CNBD1: variants seen among roughly 807,000 people sequenced by gnomAD.
CNBD1 encodes cyclic nucleotide-binding domain-containing protein 1.
CNBD1 carries 71 observed loss-of-function variants against 54.4 expected under a neutral mutation model. The observed-to-expected ratio is 1.30, with a 90% CI of 1.08 to 1.59. The LOEUF is 1.59. CNBD1 is among the 40% of genes most tolerant of loss of function. The pLI is 0.00. For missense variants in CNBD1, 659 were observed against 518.0 expected (o/e 1.27, Z -2.64); for synonymous variants, 182 against 170.7 (o/e 1.07, Z -0.51).
At chr8:86,963,074 T>C (rs1274552818) in intron 4 of CNBD1, among the ~76,000 whole-genome samples, 1 of 152,168 alleles carries the variant, frequency 6.6e-6, no homozygotes, top group East Asian at 1.9e-4. Flanking sequence ...TCTCTCTTCC[T>C]AGCGAATACC....
At chr8:87,057,976 G>A (rs1048621020) in intron 4 of CNBD1, among the ~76,000 whole-genome samples, 3 of 152,008 alleles carry the variant, frequency 2.0e-5, no homozygotes. Context: ...GACAAAGCAA[G>A]TCCCTTTTGC....
chr8:86,867,202 C>G (rs1190789251), intron 1 of CNBD1, among the ~76,000 whole-genome samples: 1 of 151,584 alleles, frequency 6.6e-6, no homozygotes, highest in Non-Finnish European at 1.5e-5. Flanking sequence ...ATTGTAAACA[C>G]TTCTCATGGC....
At chr8:87,058,503 G>T (rs1246946382) in intron 4 of CNBD1, among the ~76,000 whole-genome samples, 1 of 152,164 alleles carries the variant, frequency 6.6e-6, no homozygotes, top group Non-Finnish European at 1.5e-5. Context: ...GCATAATTCT[G>T]CCTGGACATC....
intron 5 of CNBD1, among the ~76,000 whole-genome samples, chr8:87,234,228 A>G (rs1807526103): frequency 1.3e-5 from 2 of 152,120 alleles, no homozygotes; most frequent in Non-Finnish European, 2.9e-5. Flanking sequence ...AACTTTTCCA[A>G]ACTCCTGTTA....
At position 87,351,670 on chromosome 8, in the gene CNBD1, C is replaced by A; in HGVS notation, c.1043-15C>A. 1 of 1,475,700 alleles carries A rather than the reference C, an allele frequency of 6.8e-7. No individual in the cohort carries two copies. Among genetic ancestry groups the A allele is most frequent in the Non-Finnish European group, 9.0e-7 (1 of 1,116,006 alleles). 91.4% of individuals were successfully genotyped at this position (1,475,700 alleles called of 1,614,324 possible). Reference sequence around the variant, plus strand: ...GACAAGAATGTGTGAAATGAACTATCTCTCTTCTTTTCAGTGATAGTGGAA... The same window carrying A: ...GACAAGAATGTGTGAAATGAACTATATCTCTTCTTTTCAGTGATAGTGGAA... On this transcript the variant is annotated splice_polypyrimidine_tract_variant and intron_variant, in intron 8 of 10. Transcript: ENST00000518476.
chr8:87,220,519 T>G (rs1814309188), intron 5 of CNBD1, among the ~76,000 whole-genome samples: 1 of 149,978 alleles, frequency 6.7e-6, no homozygotes, highest in Non-Finnish European at 1.5e-5. Flanking sequence ...TTTTTTTTCA[T>G]TTTTTTGATG....
chr8:86,936,124 G>T (rs1809542949), intron 3 of CNBD1, among the ~76,000 whole-genome samples: 1 of 151,888 alleles, frequency 6.6e-6, no homozygotes, highest in South Asian at 2.1e-4. Context: ...GGGTGACAAA[G>T]ATCCCTTCTC....
intron 4 of CNBD1, among the ~76,000 whole-genome samples, chr8:87,099,405 A>G (rs74847789): frequency 0.014 from 2,206 of 152,232 alleles, 56 homozygotes; most frequent in African/African-American, 0.049. Flanking sequence ...TCTGATTTAT[A>G]CTTCAAAGGA....
chr8:87,029,744 A>G (rs1020000117), intron 4 of CNBD1, among the ~76,000 whole-genome samples: 17 of 151,982 alleles, frequency 1.1e-4, no homozygotes, highest in Non-Finnish European at 2.5e-4. Context: ...CTGGGAGAAA[A>G]GATATTTATG....
At chr8:86,978,025 A>G (rs1005595552) in intron 4 of CNBD1, among the ~76,000 whole-genome samples, 2 of 152,146 alleles carry the variant, frequency 1.3e-5, no homozygotes, top group African/African-American at 2.4e-5. Context: ...CATTAAAGAG[A>G]TAATTTACTA....
chr8:87,372,186 C>T (rs544676545), intron 10 of CNBD1, among the ~76,000 whole-genome samples: 169 of 151,884 alleles, frequency 1.1e-3, no homozygotes, highest in Non-Finnish European at 1.9e-3. Context: ...CATTCTTATA[C>T]ACCAATAACA....
chr8:87,403,170 CTGA>C (rs1807597172), intron 2 of CNBD1, among the ~76,000 whole-genome samples: 2 of 151,940 alleles, frequency 1.3e-5, no homozygotes, highest in African/African-American at 4.8e-5. Context: ...ATCACTACAG[CTGA>C]TGTTTTGTCA....
chr8:87,311,720 A>G (rs1411700564), intron 8 of CNBD1, among the ~76,000 whole-genome samples: 1 of 152,156 alleles, frequency 6.6e-6, no homozygotes, highest in Non-Finnish European at 1.5e-5. Context: ...AGTGTATTAG[A>G]TAAAGAAAAT....
chr8:87,317,957 C>G (rs1023677950), intron 8 of CNBD1, among the ~76,000 whole-genome samples: 3 of 151,814 alleles, frequency 2.0e-5, no homozygotes, highest in Admixed American at 6.6e-5. Flanking sequence ...TTCAAGTTCA[C>G]CAATATTTTC....
intron 4 of CNBD1, among the ~76,000 whole-genome samples, chr8:87,156,446 T>C (rs1340791205): frequency 6.6e-6 from 1 of 150,430 alleles, no homozygotes; most frequent in African/African-American, 2.5e-5. Context: ...GATTTTGTCA[T>C]GTTGGCCAGG....
At position 86,939,730 on chromosome 8, in the gene CNBD1, A is replaced by G. The variant is rs777050269; in HGVS notation, c.407A>G (p.Glu136Gly). The G allele has an allele frequency of 1.9e-6, 3 of 1,575,130 alleles. No individual in the cohort carries two copies. The Admixed American group carries it at 5.5e-5, about 29-fold the overall frequency. Residue 136 changes from glutamate (E) to glycine (G), a missense_variant, in exon 4 of 11, where the codon GAA becomes GGA. Glu to Gly is a moderately conservative substitution (Grantham distance 98, BLOSUM62 -2). Transcript: ENST00000518476. ...AAAAGAGCCACAGAGAAATTTGAAGAATTCCTAGCTATCTTAAAGAAATTG... is the reference window on the plus strand; with the variant it reads ...AAAAGAGCCACAGAGAAATTTGAAGGATTCCTAGCTATCTTAAAGAAATTG... ...RPKRATEKFEEFLAILKKLPI... is the reference protein window; with the variant it reads ...RPKRATEKFEGFLAILKKLPI...
chr8:87,411,586 G>A (rs1406604990), intron 2 of CNBD1, among the ~76,000 whole-genome samples: 1 of 149,950 alleles, frequency 6.7e-6, no homozygotes, highest in Non-Finnish European at 1.5e-5. Flanking sequence ...ATTTATTGAA[G>A]TTTTATGTAT....
intron 4 of CNBD1, among the ~76,000 whole-genome samples, chr8:87,131,830 A>G (rs1333068255): frequency 2.0e-5 from 3 of 152,020 alleles, no homozygotes; most frequent in Non-Finnish European, 2.9e-5. Flanking sequence ...TTTTCTCTAT[A>G]AGACCTGAGA....
chr8:87,235,508 T>C (rs542943187), intron 5 of CNBD1, among the ~76,000 whole-genome samples: 9 of 152,196 alleles, frequency 5.9e-5, no homozygotes, highest in South Asian at 2.1e-4. Flanking sequence ...TAGAAAGGCC[T>C]GAGGACAGGG....
Sources: allele counts gnomAD v4.1 joint callset (sites outside exome capture counted in the v4.1 genomes callset), GRCh38; gene constraint gnomAD v4.1.1; transcripts MANE v1.5; gene names NCBI Gene and HGNC (gene_info 2026-07-23, HGNC 2026-07-21).